GDAP1: variants seen among roughly 807,000 people sequenced by gnomAD.
GDAP1 encodes the protein ganglioside-induced differentiation-associated protein 1.
A neutral mutation model predicts 40.1 loss-of-function variants in GDAP1; 34 were observed. The observed-to-expected ratio is 0.85, with a 90% CI of 0.64 to 1.13. GDAP1 has a LOEUF of 1.13. Ranked by LOEUF, GDAP1 falls within the 50% of genes most tolerant of loss-of-function variation. The pLI, the probability that GDAP1 is intolerant of heterozygous loss-of-function variation, is 0.00. For missense variants in GDAP1, 374 were observed against 433.7 expected (o/e 0.86, Z 1.22); for synonymous variants, 170 against 157.4 (o/e 1.08, Z -0.60).
At chr8:74,409,960 G>A (rs1356874126) in intron 2 of GDAP1, among the ~76,000 whole-genome samples, 1 of 149,906 alleles carries the variant, frequency 6.7e-6, no homozygotes, top group Admixed American at 6.6e-5. Context: ...TTCTTCCCTG[G>A]TAATACTCAT....
intron 4 of GDAP1, among the ~76,000 whole-genome samples, chr8:74,362,266 A>G (rs1460573692): frequency 6.6e-6 from 1 of 152,178 alleles, no homozygotes; most frequent in African/African-American, 2.4e-5. Context: ...CATTTCAGGT[A>G]TTCCACCACT....
rs1046719696 is a variant in GDAP1, at chr8:74,412,128, T to C, written c.165+60807T>C. On this transcript the variant is annotated intron_variant, in intron 2 of 2. Transcript: ENST00000523640. ...TACAGATGAAGCCCTATAAAACAAG[T>C]TCACAATCCTAATTATATAATAAAA... is the stretch of plus-strand genomic sequence containing the variant. Among the ~76,000 whole-genome samples the C allele has an allele frequency of 3.3e-5, 5 of 149,946 alleles. 1 individual carries two copies. Among genetic ancestry groups the C allele is most frequent in the African/African-American group, 1.3e-4 (5 of 39,306 alleles).
At chr8:74,475,665 G>C (rs557099432) in intron 2 of GDAP1, among the ~76,000 whole-genome samples, 3 of 152,078 alleles carry the variant, frequency 2.0e-5, no homozygotes, top group African/African-American at 4.8e-5. Flanking sequence ...GTATGATCTT[G>C]CTTCTTTTGC....
rs181466645 is a variant in GDAP1 at position 74,480,049 on chromosome 8, C to T, written c.166-8629C>T. ...TGTTGCCCAGGCTGGAGTGCAGTGG[C>T]GCAATCTTGGCTCACTGCAACCTCT... On this transcript the variant is annotated intron_variant, in intron 2 of 2. Transcript: ENST00000523640. Among the ~76,000 whole-genome samples the T allele has an allele frequency of 1.6e-3, 224 of 142,378 alleles. 1 individual carries two copies. Among genetic ancestry groups the T allele is most frequent in the African/African-American group, 5.5e-3 (209 of 37,788 alleles). 93.4% of individuals were successfully genotyped at this position (142,378 alleles called of 152,430 possible).
intron 2 of GDAP1, among the ~76,000 whole-genome samples, chr8:74,470,938 C>A (rs1306786810): frequency 1.3e-5 from 2 of 152,206 alleles, no homozygotes; most frequent in Non-Finnish European, 2.9e-5. Flanking sequence ...TTAATGATCG[C>A]CATTCTAACT....
At chr8:74,468,167 G>A (rs777395399) in intron 2 of GDAP1, among the ~76,000 whole-genome samples, 1 of 150,516 alleles carries the variant, frequency 6.6e-6, no homozygotes, top group African/African-American at 2.4e-5. Flanking sequence ...TTTAAATTAC[G>A]GTGGTGTTTT....
In GDAP1 at chr8:74,350,470, G is replaced by C. The variant is rs1419992296; in HGVS notation, c.9G>C (p.Glu3Asp). ...TGCTCGCGCACCCCAAGATGGCTGA[G>C]AGGCAGGAAGAGCAGAGAGGGAGCC... is the stretch of plus-strand genomic sequence containing the variant. MA[E>D]RQEEQRGSPP... The change falls in exon 1 of 6, where the codon GAG becomes GAC. Residue 3 changes from glutamate to aspartate, a missense_variant. By Grantham distance (45) the Glu-to-Asp change is conservative. Coordinates refer to ENST00000220822, the MANE Select transcript of GDAP1 (RefSeq NM_018972.4). 1 of 1,608,548 alleles carries C rather than the reference G, an allele frequency of 6.2e-7. No homozygotes were observed.
intron 2 of GDAP1, among the ~76,000 whole-genome samples, chr8:74,420,322 C>A (rs1162376622): frequency 2.0e-5 from 3 of 152,106 alleles, no homozygotes; most frequent in African/African-American, 7.2e-5. Context: ...AAAAGCCTGG[C>A]ATTTGTAATT....
chr8:74,435,952 C>G (rs1279137467), intron 2 of GDAP1, among the ~76,000 whole-genome samples: 1 of 152,134 alleles, frequency 6.6e-6, no homozygotes, highest in Non-Finnish European at 1.5e-5. Context: ...CAAATCATTC[C>G]AAGCATGTCA....
chr8:74,469,450 C>T (rs1563477868), intron 2 of GDAP1, among the ~76,000 whole-genome samples: 3 of 151,976 alleles, frequency 2.0e-5, no homozygotes, highest in African/African-American at 7.2e-5. Flanking sequence ...GGGCGGATCA[C>T]GAGGTCAGGA....
chr8:74,388,095 A>G (rs1003519946), intron 2 of GDAP1, among the ~76,000 whole-genome samples: 1 of 152,014 alleles, frequency 6.6e-6, no homozygotes, highest in Non-Finnish European at 1.5e-5. Context: ...CTAGCAGTCT[A>G]TCTATTTTGT....
At chr8:74,476,240 T>C (rs897768156) in intron 2 of GDAP1, among the ~76,000 whole-genome samples, 2 of 152,232 alleles carry the variant, frequency 1.3e-5, no homozygotes, top group African/African-American at 4.8e-5. Flanking sequence ...TTTATCCAGC[T>C]TGCCACTCTG....
chr8:74,440,293 T>C (rs1464591826), intron 2 of GDAP1, among the ~76,000 whole-genome samples: 4 of 152,182 alleles, frequency 2.6e-5, no homozygotes, highest in Admixed American at 6.6e-5. Flanking sequence ...TCAGTCCTCA[T>C]TGAGACAGGG....
intron 2 of GDAP1, among the ~76,000 whole-genome samples, chr8:74,402,308 C>T (rs1478528044): frequency 6.7e-6 from 1 of 150,372 alleles, no homozygotes; most frequent in Non-Finnish European, 1.5e-5. Context: ...TGATCTCAGA[C>T]AGCAGTGCTA....
chr8:74,480,400 C>T (rs1246805860), intron 2 of GDAP1, among the ~76,000 whole-genome samples: 1 of 152,192 alleles, frequency 6.6e-6, no homozygotes, highest in Non-Finnish European at 1.5e-5. Flanking sequence ...AAAGAGGTTA[C>T]TTCCAGGATG....
At chr8:74,477,068 T>C (rs1237219418) in intron 2 of GDAP1, among the ~76,000 whole-genome samples, 3 of 152,202 alleles carry the variant, frequency 2.0e-5, no homozygotes, top group Admixed American at 6.5e-5. Flanking sequence ...CTTATCTTGG[T>C]CTATCATTCT....
chr8:74,382,437 A>G (rs1220249118), intron 2 of GDAP1, among the ~76,000 whole-genome samples: 1 of 147,446 alleles, frequency 6.8e-6, no homozygotes, highest in Non-Finnish European at 1.5e-5. Context: ...AATATTTACA[A>G]GCATGAAGTC....
intron 4 of GDAP1, 52 bp downstream of exon 4, chr8:74,362,030 C>G: frequency 1.1e-6 from 1 of 938,556 alleles, no homozygotes. Flanking sequence ...AGTAAATGTT[C>G]TACTTTTTGT....
chr8:74,378,058 C>T (rs1405106789), intron 2 of GDAP1, among the ~76,000 whole-genome samples: 1 of 152,212 alleles, frequency 6.6e-6, no homozygotes, highest in Non-Finnish European at 1.5e-5. Flanking sequence ...CCATCAGTGG[C>T]CCAGAGCCCT....
Sources: gnomAD v4.1 joint callset for allele counts (sites outside exome capture counted in the v4.1 genomes callset) on GRCh38, gnomAD v4.1.1 for gene constraint, MANE v1.5 for transcripts, NCBI Gene and HGNC (gene_info 2026-07-23, HGNC 2026-07-21) for gene names.